Variants in RNF43 observed in about 807,000 individuals in gnomAD.
RNF43 encodes ring finger protein 43.
A neutral mutation model predicts 78.4 loss-of-function variants in RNF43; 37 were observed. That is an observed-to-expected ratio of 0.47 (90% CI 0.36 to 0.62). The LOEUF (loss-of-function observed/expected upper bound fraction) is 0.62, where lower values mean the gene tolerates loss of function less well. Among genes scored for constraint, RNF43 ranks in the 20% least tolerant of loss-of-function variants. The probability of loss-of-function intolerance (pLI) is 0.00; values close to 1 mark genes in which losing one functional copy is unlikely to be tolerated. For missense variants in RNF43, 774 were observed against 1,007.9 expected (o/e 0.77, Z 3.14); for synonymous variants, 347 against 395.0 (o/e 0.88, Z 1.44).
chr17:58,358,613 T>C lies in RNF43; in HGVS notation c.1163A>G (p.His388Arg), dbSNP rs2143421899. The change falls in exon 9 of 10, where the codon CAC becomes CGC. Residue 388 changes from histidine (H) to arginine (R), a missense_variant. By Grantham distance (29) the His-to-Arg change is conservative. Coordinates refer to ENST00000407977, the MANE Select transcript of RNF43 (RefSeq NM_017763.6). This position sits in a 1 kb window ranked among gnomAD's most constrained non-coding sequence, Gnocchi z 6.2. ...SQEPGMGPRHHRFPRAAHPRA... is the reference protein window; with the variant it reads ...SQEPGMGPRHRRFPRAAHPRA... ...GGGATGTGCAGCTCTGGGGAAGCGG[T>C]GATGCCGAGGGCCCATGCCTGGCTC... 1 of 1,564,402 alleles carries C rather than the reference T, an allele frequency of 6.4e-7. No individual in the cohort carries two copies. The highest frequency in any genetic ancestry group is 8.7e-7 in the Non-Finnish European group (1 of 1,153,604).
chr17:58,408,443 G>A (rs1185312056), intron 2 of RNF43, among the ~76,000 whole-genome samples: 1 of 152,104 alleles, frequency 6.6e-6, no homozygotes, highest in Non-Finnish European at 1.5e-5. Flanking sequence ...AGAAGGTAAG[G>A]TCCTTTGGAT....
Position 58,415,717 on chromosome 17 carries a change from C to T in RNF43, c.-140G>A, listed in dbSNP as rs1159988058. 1 of 980,956 alleles carries T rather than the reference C, an allele frequency of 1.0e-6. No homozygotes were observed. Among genetic ancestry groups the T allele is most frequent in the Non-Finnish European group, 1.5e-6 (1 of 679,968 alleles). The allele number at this position is 980,956 out of a possible 1,614,324, so 60.8% of individuals were successfully genotyped here. A position where few individuals can be genotyped will look rare whatever the true frequency, so the allele number is the denominator to read the frequency against. ...CAGAAAGCCAAGTCGTAGTTTTGGC[C>T]CTTCCTTTCTCTAAAGTTTATTCCC... is the stretch of plus-strand genomic sequence containing the variant. On this transcript the variant is annotated 5_prime_UTR_variant, in exon 2 of 10. Coordinates refer to ENST00000407977, the MANE Select transcript of RNF43 (RefSeq NM_017763.6).
intron 5 of RNF43, 111 bp downstream of exon 5, chr17:58,363,164 G>A: frequency 7.4e-7 from 1 of 1,348,562 alleles, no homozygotes; most frequent in South Asian, 1.4e-5. Flanking sequence ...TGGACTAGAG[G>A]GTTTCCAGGA....
intron 1 of RNF43, chr17:58,416,290 T>A (rs1974123413): frequency 6.6e-6 from 1 of 152,254 alleles, no homozygotes; most frequent in Non-Finnish European, 1.5e-5. Context: ...AACTTAGACA[T>A]ACCATAATTT....
chr17:58,371,148 TAA>T (rs1048752518), intron 2 of RNF43, 115 bp from the exon 3 acceptor site: 40 of 1,074,424 alleles, frequency 3.7e-5, no homozygotes, highest in Non-Finnish European at 4.9e-5. Context: ...CTTGGTGCTG[TAA>T]AAGAGTAGGC....
intron 3 of RNF43, among the ~76,000 whole-genome samples, chr17:58,366,360 C>T (rs546290755): frequency 2.0e-5 from 3 of 152,300 alleles, no homozygotes; most frequent in Admixed American, 2.0e-4. Context: ...CCCCTCCACG[C>T]ACCAGGTGCG....
At chr17:58,416,316 A>G (rs917854240) in intron 1 of RNF43, 1 of 152,328 alleles carries the variant, frequency 6.6e-6, no homozygotes, top group Admixed American at 6.5e-5. Flanking sequence ...GTTTTACCAA[A>G]ATTTGCCTAT....
chr17:58,366,886 C>T (rs1168813442), intron 3 of RNF43, among the ~76,000 whole-genome samples: 2 of 152,138 alleles, frequency 1.3e-5, no homozygotes, highest in African/African-American at 2.4e-5. Flanking sequence ...AGTGCAGGGG[C>T]GCAATCTCAG....
rs1972644825 is a variant in RNF43, at chr17:58,354,583, G to A, written c.*360C>T. The A allele has an allele frequency of 5.1e-6, 2 of 388,416 alleles. No individual in the cohort carries two copies. The highest frequency in any genetic ancestry group is 9.8e-6 in the Non-Finnish European group (2 of 203,232). 24.1% of individuals were successfully genotyped at this position (388,416 alleles called of 1,614,324 possible). On this transcript the variant is annotated 3_prime_UTR_variant, in exon 10 of 10. Transcript: ENST00000407977. The stretch of plus-strand genomic sequence containing the variant: ...CTTGGGGTGAGGGAAACCAAGTAGG[G>A]GTTGGAGAAGGAGCAGCACCTTTGT...
At chr17:58,369,178 T>C (rs559878265) in intron 3 of RNF43, among the ~76,000 whole-genome samples, 1 of 152,288 alleles carries the variant, frequency 6.6e-6, no homozygotes, top group African/African-American at 2.4e-5. Context: ...CATTTGCCCA[T>C]ATTTTGTAAG....
chr17:58,358,178 A>T lies in RNF43; in HGVS notation c.1598T>A (p.Leu533Ter), dbSNP rs2143406614. The T allele has an allele frequency of 6.2e-7, 1 of 1,612,470 alleles. No homozygotes were observed. ...QPSVTSRPRS[L>*]DSVVPTGETQ... The stretch of plus-strand genomic sequence containing the variant: ...TTCCCCTGTGGGCACCACCGAGTCC[A>T]AGGAACGAGGCCGAGAGGTCACACT... Residue 533 changes from leucine to a stop codon, truncating the protein, a stop_gained, in exon 9 of 10, where the codon TTG becomes TAG. Coordinates refer to ENST00000407977, the MANE Select transcript of RNF43 (RefSeq NM_017763.6). LOFTEE classifies it high-confidence loss of function. The surrounding 1 kb of genome is among the most constrained non-coding windows in gnomAD (Gnocchi z 6.2).
At chr17:58,375,178 G>A (rs542846344) in intron 2 of RNF43, among the ~76,000 whole-genome samples, 3 of 152,050 alleles carry the variant, frequency 2.0e-5, no homozygotes, top group South Asian at 2.1e-4. Context: ...CATCCCATTC[G>A]TTCTCTATAT....
At chr17:58,380,206 C>G (rs1973283941) in intron 2 of RNF43, among the ~76,000 whole-genome samples, 1 of 152,234 alleles carries the variant, frequency 6.6e-6, no homozygotes, top group Non-Finnish European at 1.5e-5. Flanking sequence ...GTCACCCTCA[C>G]TGACCTCCAT....
chr17:58,362,598 C>T lies in RNF43; in HGVS notation c.633G>A (p.Val211=), dbSNP rs376160248. The T allele has an allele frequency of 5.0e-6, 8 of 1,612,148 alleles. No individual in the cohort carries two copies. The South Asian group carries it at 6.6e-5, about 13-fold the overall frequency. The change falls in exon 6 of 10, where the codon GTG becomes GTA. Residue 211 remains valine, a synonymous_variant. Transcript: ENST00000407977. ...ILMTVVGTIF[V]IILASVLRIR... ...TGCGCAGCACCGAAGCCAGGATGAT[C>T]ACAAAGATGGTGCCCACCACTGTCA...
chr17:58,376,245 G>T (rs1016042559), intron 2 of RNF43, among the ~76,000 whole-genome samples: 4 of 152,166 alleles, frequency 2.6e-5, no homozygotes, highest in Admixed American at 2.0e-4. Context: ...GAATATCAGA[G>T]GGGTCCCTTG....
chr17:58,371,669 C>G (rs527507619), intron 2 of RNF43, among the ~76,000 whole-genome samples: 6 of 152,338 alleles, frequency 3.9e-5, no homozygotes, highest in African/African-American at 1.4e-4. Flanking sequence ...AGAGGTGAGA[C>G]TATCTTGCAA....
At chr17:58,386,419 T>C (rs1299355487) in intron 2 of RNF43, among the ~76,000 whole-genome samples, 1 of 152,120 alleles carries the variant, frequency 6.6e-6, no homozygotes, top group African/African-American at 2.4e-5. Flanking sequence ...AGAGAGAGAC[T>C]CTGTAAAAAA....
In RNF43 at chr17:58,363,395, C is replaced by T. The variant is rs144994226; in HGVS notation, c.462G>A (p.Pro154=). 51 of 1,614,164 alleles carry T rather than the reference C, an allele frequency of 3.2e-5. No individual in the cohort carries two copies. The African/African-American group carries it at 4.9e-4, about 16-fold the overall frequency. ...DRAAAEQLQQ[P]LGLTWPVVLI... ...ACACCACTGGCCAGGTCAGCCCCAG[C>T]GGCTGCTGCAGCTACAGGGGGAAAG... The change falls in exon 5 of 10, where the codon CCG becomes CCA. Residue 154 remains proline, a synonymous_variant. Coordinates refer to ENST00000407977, the MANE Select transcript of RNF43 (RefSeq NM_017763.6).
chr17:58,367,608 C>T (rs1373001280), intron 3 of RNF43, among the ~76,000 whole-genome samples: 6 of 152,132 alleles, frequency 3.9e-5, no homozygotes, highest in Admixed American at 2.6e-4. Flanking sequence ...AAGGCCACTG[C>T]ACTAGTTCAG....
Sources: allele counts gnomAD v4.1 joint callset (sites outside exome capture counted in the v4.1 genomes callset), GRCh38; gene constraint gnomAD v4.1.1; non-coding constraint Gnocchi (gnomAD v3.1); transcripts MANE v1.5; gene names NCBI Gene and HGNC (gene_info 2026-07-23, HGNC 2026-07-21).